TSC22D3: variants seen among roughly 807,000 people sequenced by gnomAD.
TSC22D3 encodes the protein TSC22 domain family member 3.
In TSC22D3, 4 loss-of-function variants were observed where a neutral mutation model predicts 11.1. The observed-to-expected ratio is 0.36, with a 90% CI of 0.18 to 0.83. The LOEUF (loss-of-function observed/expected upper bound fraction) is 0.83, where lower values mean the gene tolerates loss of function less well. TSC22D3 is among the 40% of genes least tolerant of loss of function. The pLI, the probability that TSC22D3 is intolerant of heterozygous loss-of-function variation, is 0.48. For synonymous variants in TSC22D3, 77 were observed against 70.3 expected (o/e 1.10, Z -0.48); for missense variants, 118 against 159.4 (o/e 0.74, Z 1.40).
chrX:107,746,281 G>A (rs1602395651), intron 1 of TSC22D3, among the ~76,000 whole-genome samples: 1 of 111,517 alleles, frequency 9.0e-6, no homozygotes, highest in East Asian at 2.8e-4. Context: ...AAGAAGCAGA[G>A]GCAAAGAACT....
At chrX:107,726,020 C>A (rs1927603959) in intron 1 of TSC22D3, among the ~76,000 whole-genome samples, 1 of 111,423 alleles carries the variant, frequency 9.0e-6, no homozygotes, top group South Asian at 3.8e-4. Context: ...TCATTCCCCC[C>A]TCAAAAACCT....
At chrX:107,716,697 C>T in intron 1 of TSC22D3, 1 of 1,208,672 alleles carries the variant, frequency 8.3e-7, no homozygotes, top group Non-Finnish European at 1.1e-6. Context: ...TACCTGTTGT[C>T]CAGCTTAACG....
rs764889060 is a variant in TSC22D3, at chrX:107,742,281, A to AAGAGAGAG, written c.321-26339_321-26332dup. ...TATTTGAGAGAGAGAGAGAGAGAGA[A>AAGAGAGAG]AGAGAGAGAGAGAGAGAGAGAGAGA... On this transcript the variant is annotated intron_variant, in intron 1 of 2. Coordinates refer to ENST00000372383, the MANE Select transcript of TSC22D3 (RefSeq NM_198057.3). Among the ~76,000 whole-genome samples the AAGAGAGAG allele has an allele frequency of 1.4e-3, 78 of 56,809 alleles. 1 individual carries two copies. Among genetic ancestry groups the AAGAGAGAG allele is most frequent in the African/African-American group, 5.1e-3 (64 of 12,590 alleles). 49.3% of individuals were successfully genotyped at this position (56,809 alleles called of 115,157 possible).
At chrX:107,727,605 C>T (rs553784705) in intron 1 of TSC22D3, among the ~76,000 whole-genome samples, 10 of 110,291 alleles carry the variant, frequency 9.1e-5, no homozygotes, top group South Asian at 3.8e-4. Context: ...CTTTGGAGAG[C>T]GAAAAAAAGG....
chrX:107,769,714 TTCAC>T (rs1026197985), intron 1 of TSC22D3, among the ~76,000 whole-genome samples: 1 of 88,286 alleles, frequency 1.1e-5, no homozygotes, highest in Non-Finnish European at 2.1e-5. Context: ...CTCTTTCTCT[TTCAC>T]ACACACACAC....
intron 1 of TSC22D3, among the ~76,000 whole-genome samples, chrX:107,760,373 G>T (rs1929383475): frequency 8.9e-6 from 1 of 112,884 alleles, no homozygotes; most frequent in African/African-American, 3.2e-5. Context: ...TACTGGGATG[G>T]GATGCTGCAC....
chrX:107,724,554 A>G (rs761686531), intron 1 of TSC22D3, among the ~76,000 whole-genome samples: 131 of 113,272 alleles, frequency 1.2e-3, no homozygotes, highest in African/African-American at 4.0e-3. Context: ...CACCTTCCCC[A>G]TGACCCCAAA....
chrX:107,747,202 A>G (rs1484842599), intron 1 of TSC22D3, among the ~76,000 whole-genome samples: 1 of 112,993 alleles, frequency 8.9e-6, no homozygotes, highest in African/African-American at 3.2e-5. Flanking sequence ...AGAAAAGTTG[A>G]CGTGAAAGCC....
At chrX:107,736,482 G>A (rs778562248) in intron 1 of TSC22D3, among the ~76,000 whole-genome samples, 4 of 111,092 alleles carry the variant, frequency 3.6e-5, no homozygotes, top group Non-Finnish European at 5.7e-5. Context: ...CATTCCTAAC[G>A]TCTGCATTTT....
At chrX:107,726,086 C>T (rs1927608804) in intron 1 of TSC22D3, among the ~76,000 whole-genome samples, 1 of 110,500 alleles carries the variant, frequency 9.0e-6, no homozygotes, top group African/African-American at 3.3e-5. Context: ...CTGTCCCCAC[C>T]CTGATCCAAG....
At chrX:107,735,725 GC>G (rs773451538) in intron 1 of TSC22D3, among the ~76,000 whole-genome samples, 63 of 92,636 alleles carry the variant, frequency 6.8e-4, no homozygotes, top group Non-Finnish European at 1.2e-3. Flanking sequence ...CTCAGCACCC[GC>G]CCCCCCAGCT....
At chrX:107,760,018 C>T (rs1178808362) in intron 1 of TSC22D3, among the ~76,000 whole-genome samples, 2 of 112,867 alleles carry the variant, frequency 1.8e-5, no homozygotes, top group Non-Finnish European at 3.8e-5. Flanking sequence ...ACCGGGCCAG[C>T]TTCCTAAACT....
At chrX:107,767,838 T>A (rs1235450328) in intron 1 of TSC22D3, among the ~76,000 whole-genome samples, 1 of 112,185 alleles carries the variant, frequency 8.9e-6, no homozygotes, top group Non-Finnish European at 1.9e-5. Flanking sequence ...TTGCAGACTT[T>A]GGGACAGCAC....
rs765399606 is a variant in TSC22D3, at chrX:107,761,019, T to C, written c.320+14081A>G. ...GCAAGGCCAGCCAGATAAGGTTTTG[T>C]TCTGGTACCACATTTGACTTGGCTA... On this transcript the variant is annotated intron_variant, in intron 1 of 2. Coordinates refer to ENST00000372383, the MANE Select transcript of TSC22D3 (RefSeq NM_198057.3). 1.2e-4 allele frequency among the ~76,000 whole-genome samples: 13 copies of C among 111,734 alleles called. No individual in the cohort carries two copies. In the South Asian group the frequency reaches 4.5e-3, roughly 39 times the overall value.
chrX:107,724,103 G>A (rs1451028641), intron 1 of TSC22D3, among the ~76,000 whole-genome samples: 1 of 112,678 alleles, frequency 8.9e-6, no homozygotes, highest in African/African-American at 3.2e-5. Flanking sequence ...TCAGTTGTGG[G>A]ACTCTATCAC....
intron 1 of TSC22D3, among the ~76,000 whole-genome samples, chrX:107,754,001 C>T (rs1035533998): frequency 1.8e-5 from 2 of 109,569 alleles, no homozygotes; most frequent in Non-Finnish European, 3.8e-5. Flanking sequence ...CTGCAACCTC[C>T]GCCTCCCAGG....
chrX:107,762,468 T>A (rs1457733189), intron 1 of TSC22D3, among the ~76,000 whole-genome samples: 3 of 112,117 alleles, frequency 2.7e-5, no homozygotes, highest in Non-Finnish European at 5.6e-5. Context: ...CACCTTCACC[T>A]TTCACACATA....
At position 107,775,438 on chromosome X, in the gene TSC22D3, C is replaced by A. The variant is rs937173153; in HGVS notation, c.-19G>T. On this transcript the variant is annotated 5_prime_UTR_variant, in exon 1 of 3. Coordinates refer to ENST00000372383, the MANE Select transcript of TSC22D3 (RefSeq NM_198057.3). ...GGGCCATCTTCTCAGGCTCGGAGGT[C>A]GCCTGGCCTGCGAGGTCAGGGGCGG... 8.7e-7 allele frequency: 1 copy of A among 1,149,007 alleles called. No homozygotes were observed. The highest frequency in any genetic ancestry group is 2.0e-5 in the South Asian group (1 of 49,867). The allele number at this position is 1,149,007 out of a possible 1,213,427, so 94.7% of individuals were successfully genotyped here.
At position 107,775,349 on chromosome X, in the gene TSC22D3, G is replaced by A. The variant is rs777036637; in HGVS notation, c.71C>T (p.Ala24Val). 10 of 1,207,231 alleles carry A rather than the reference G, an allele frequency of 8.3e-6. No individual in the cohort carries two copies. In the East Asian group the frequency reaches 3.0e-4, roughly 36 times the overall value. ...LDCCNCCLDL[A>V]HRSGLQRGSS... ...GCCTCGCTGGAGCCCACTCCGATGG[G>A]CCAGGTCCAGGCAGCAGTTGCAGCA... The change falls in exon 1 of 3, where the codon GCC (alanine) becomes GTC (valine). Residue 24 changes from alanine to valine, a missense_variant. Coordinates refer to ENST00000372383, the MANE Select transcript of TSC22D3 (RefSeq NM_198057.3).
Sources: allele counts gnomAD v4.1 joint callset (sites outside exome capture counted in the v4.1 genomes callset), GRCh38; gene constraint gnomAD v4.1.1; transcripts MANE v1.5; gene names NCBI Gene and HGNC (gene_info 2026-07-23, HGNC 2026-07-21).